The following DNM3 variants were observed in gnomAD, a reference collection of about 807,000 sequenced individuals.
The protein encoded by DNM3 is dynamin-3.
A neutral mutation model predicts 101.6 loss-of-function variants in DNM3; 47 were observed. The observed-to-expected ratio is 0.46, with a 90% CI of 0.37 to 0.59. The LOEUF (loss-of-function observed/expected upper bound fraction) is 0.59, where lower values mean the gene tolerates loss of function less well. DNM3 is among the 20% of genes least tolerant of loss of function. DNM3 has a pLI of 0.00. For missense variants in DNM3, 849 were observed against 1,085.7 expected (o/e 0.78, Z 3.06); for synonymous variants, 385 against 387.9 (o/e 0.99, Z 0.09).
At chr1:171,891,955 A>T (rs892184125) in intron 1 of DNM3, among the ~76,000 whole-genome samples, 1 of 152,256 alleles carries the variant, frequency 6.6e-6, no homozygotes, top group Non-Finnish European at 1.5e-5. Context: ...TATTATCTAC[A>T]TAAATTATTT....
In DNM3 at chr1:172,411,202, A is replaced by T; in HGVS notation, c.*3361A>T. The T allele has an allele frequency of 1.0e-6, 1 of 985,294 alleles. No individual in the cohort carries two copies. The highest frequency in any genetic ancestry group is 1.2e-6 in the Non-Finnish European group (1 of 829,806). The allele number at this position is 985,294 out of a possible 1,614,324, so 61.0% of individuals were successfully genotyped here. On this transcript the variant is annotated 3_prime_UTR_variant, in exon 21 of 21. Coordinates refer to ENST00000627582, the MANE Select transcript of DNM3 (RefSeq NM_015569.5). ...ATAATACAACAGATAGCTTTGAATG[A>T]TCTGCCATAACATGTGGTAACAATA... is the stretch of plus-strand genomic sequence containing the variant.
intron 17 of DNM3, among the ~76,000 whole-genome samples, chr1:172,369,389 A>C (rs1309476966): frequency 3.3e-5 from 5 of 152,014 alleles, no homozygotes; most frequent in Admixed American, 3.3e-4. Context: ...AATCATCTCA[A>C]TAGATACAGA....
intron 1 of DNM3, among the ~76,000 whole-genome samples, chr1:171,895,095 T>C (rs6681799): frequency 0.57 from 87,159 of 151,996 alleles, 25,128 homozygotes; most frequent in East Asian, 0.68. Flanking sequence ...CTGCAATAAA[T>C]ATACGTGTGC....
intron 11 of DNM3, among the ~76,000 whole-genome samples, chr1:172,074,777 C>A (rs1460068689): frequency 6.6e-6 from 1 of 152,148 alleles, no homozygotes; most frequent in Non-Finnish European, 1.5e-5. Flanking sequence ...AATAAACATG[C>A]GTGTACATGT....
At chr1:172,299,222 G>A (rs2064318716) in intron 15 of DNM3, among the ~76,000 whole-genome samples, 1 of 152,224 alleles carries the variant, frequency 6.6e-6, no homozygotes, top group African/African-American at 2.4e-5. Flanking sequence ...CACAGAAAGA[G>A]CAAAGTGTTC....
At chr1:172,012,347 A>C (rs781515032) in intron 4 of DNM3, among the ~76,000 whole-genome samples, 1 of 152,088 alleles carries the variant, frequency 6.6e-6, no homozygotes, top group Non-Finnish European at 1.5e-5. Context: ...AGTGGCACAT[A>C]TCACATCTCA....
At chr1:172,030,428 A>G (rs2048516899) in intron 4 of DNM3, among the ~76,000 whole-genome samples, 1 of 152,230 alleles carries the variant, frequency 6.6e-6, no homozygotes, top group African/African-American at 2.4e-5. Flanking sequence ...AAAGACTTAA[A>G]TGTAAGACCC....
chr1:172,352,535 A>T (rs1466833447), intron 17 of DNM3, among the ~76,000 whole-genome samples: 4 of 152,156 alleles, frequency 2.6e-5, no homozygotes, highest in Non-Finnish European at 4.4e-5. Flanking sequence ...AACAAACTAT[A>T]CTAAAATTGA....
At chr1:172,238,826 G>GAA (rs756914661) in intron 14 of DNM3, among the ~76,000 whole-genome samples, 43 of 139,164 alleles carry the variant, frequency 3.1e-4, no homozygotes, top group Middle Eastern at 3.7e-3. Context: ...TTCAGGATAA[G>GAA]AAAAAAAAAA....
intron 14 of DNM3, among the ~76,000 whole-genome samples, chr1:172,194,507 A>C (rs576354243): frequency 6.6e-6 from 1 of 152,180 alleles, no homozygotes; most frequent in East Asian, 1.9e-4. Context: ...GTCTCTTTTT[A>C]GGTCTCTAAG....
At chr1:172,267,587 A>T (rs1484641355) in intron 15 of DNM3, among the ~76,000 whole-genome samples, 1 of 152,150 alleles carries the variant, frequency 6.6e-6, no homozygotes, top group African/African-American at 2.4e-5. Flanking sequence ...TTTATTGTAA[A>T]TTGTCTTAAC....
intron 14 of DNM3, among the ~76,000 whole-genome samples, chr1:172,244,118 T>C (rs1265984410): frequency 2.6e-5 from 4 of 152,080 alleles, no homozygotes; most frequent in African/African-American, 9.7e-5. Context: ...ATGCGGTGTT[T>C]GGTTTTTTGT....
intron 14 of DNM3, among the ~76,000 whole-genome samples, chr1:172,181,817 TTTTG>T (rs2059356483): frequency 2.6e-5 from 4 of 152,008 alleles, no homozygotes; most frequent in African/African-American, 9.7e-5. Context: ...TTTTTTTTTT[TTTTG>T]AAAATAAACT....
chr1:172,359,360 G>T (rs1057158263), intron 17 of DNM3, among the ~76,000 whole-genome samples: 1 of 151,598 alleles, frequency 6.6e-6, no homozygotes, highest in Admixed American at 6.6e-5. Flanking sequence ...TTTTTTTTTA[G>T]ATTCCTCAAT....
chr1:172,210,981 A>G (rs2148520480), intron 14 of DNM3, among the ~76,000 whole-genome samples: 1 of 152,226 alleles, frequency 6.6e-6, no homozygotes, highest in African/African-American at 2.4e-5. Flanking sequence ...CAAAACAAAA[A>G]TTCTGACAAA....
At position 172,003,318 on chromosome 1, in the gene DNM3, G is replaced by A. The variant is rs1231254717; in HGVS notation, c.589+14170G>A. ...TACTCCTGGATTCTGATGTGACCATGAGTTTCTAACATTTCCATTAATGTA... is the reference window on the plus strand; with the variant it reads ...TACTCCTGGATTCTGATGTGACCATAAGTTTCTAACATTTCCATTAATGTA... On this transcript the variant is annotated intron_variant, in intron 4 of 20. Coordinates refer to ENST00000627582, the MANE Select transcript of DNM3 (RefSeq NM_015569.5). Among the ~76,000 whole-genome samples the A allele has an allele frequency of 4.6e-5, 7 of 152,036 alleles. No individual in the cohort carries two copies. The South Asian group carries it at 1.5e-3, about 32-fold the overall frequency.
At chr1:172,222,636 C>T (rs1212812496) in intron 14 of DNM3, among the ~76,000 whole-genome samples, 1 of 152,026 alleles carries the variant, frequency 6.6e-6, no homozygotes, top group Non-Finnish European at 1.5e-5. Flanking sequence ...CTGGTTTGGG[C>T]TGAGAATTGG....
intron 14 of DNM3, among the ~76,000 whole-genome samples, chr1:172,219,212 A>G (rs770819120): frequency 2.0e-5 from 3 of 151,540 alleles, no homozygotes; most frequent in Admixed American, 6.6e-5. Flanking sequence ...ATAAAAGAAA[A>G]CTAGCTGGGC....
At chr1:172,253,024 A>AC (rs2062240079) in intron 14 of DNM3, among the ~76,000 whole-genome samples, 1 of 152,066 alleles carries the variant, frequency 6.6e-6, no homozygotes, top group Non-Finnish European at 1.5e-5. Context: ...ATCATAGTTT[A>AC]TGGGGGGTAT....
Sources: gnomAD v4.1 joint callset for allele counts (sites outside exome capture counted in the v4.1 genomes callset) on GRCh38, gnomAD v4.1.1 for gene constraint, MANE v1.5 for transcripts, NCBI Gene and HGNC (gene_info 2026-07-23, HGNC 2026-07-21) for gene names.